SRGAP2B: variants seen among roughly 807,000 people sequenced by gnomAD.
The protein encoded by SRGAP2B is SLIT-ROBO Rho GTPase-activating protein 2B.
A neutral mutation model predicts 22.2 loss-of-function variants in SRGAP2B; 9 were observed. That is an observed-to-expected ratio of 0.41 (90% CI 0.24 to 0.71). SRGAP2B has a LOEUF of 0.71. Ranked by LOEUF, SRGAP2B falls within the 30% of genes least tolerant of loss-of-function variation. The pLI is 0.35. For synonymous variants in SRGAP2B, 36 were observed against 87.4 expected (o/e 0.41, Z 3.28); for missense variants, 114 against 235.8 (o/e 0.48, Z 3.38).
chr1:145,023,861 GGA>G, intron 2 of SRGAP2B, among the ~76,000 whole-genome samples: 1 of 84,952 alleles, frequency 1.2e-5, no homozygotes, highest in South Asian at 4.3e-4. Flanking sequence ...TCTTGATTAG[GGA>G]TATATCATAA....
At chr1:144,925,773 AAGAAAGAAAG>A (rs1664671756) in intron 4 of SRGAP2B, among the ~76,000 whole-genome samples, 1 of 144,244 alleles carries the variant, frequency 6.9e-6, no homozygotes, top group Non-Finnish European at 1.5e-5. Context: ...GAAAGAAAGA[AAGAAAGAAAG>A]AAAGAAAGAA....
At chr1:144,931,558 C>T (rs1378344377) in intron 4 of SRGAP2B, among the ~76,000 whole-genome samples, 2 of 150,756 alleles carry the variant, frequency 1.3e-5, no homozygotes, top group African/African-American at 5.0e-5. Context: ...AAAAGAGAAT[C>T]ATATAAGCAG....
intron 2 of SRGAP2B, among the ~76,000 whole-genome samples, chr1:145,089,580 C>T (rs9778177): frequency 2.0e-4 from 30 of 148,470 alleles, no homozygotes; most frequent in Non-Finnish European, 3.6e-4. Flanking sequence ...AAAGACAGGC[C>T]GAACCACAGT....
chr1:144,920,792 A>G (rs1664187782), intron 4 of SRGAP2B, among the ~76,000 whole-genome samples: 1 of 150,850 alleles, frequency 6.6e-6, no homozygotes, highest in Non-Finnish European at 1.5e-5. Context: ...GACTGGTTAC[A>G]TACAAAAGTC....
chr1:144,967,284 A>C (rs1427046985), intron 3 of SRGAP2B, among the ~76,000 whole-genome samples: 4 of 113,662 alleles, frequency 3.5e-5, no homozygotes, highest in East Asian at 4.7e-4. Context: ...AAATTATAAC[A>C]AACTATCTCT....
At chr1:145,030,382 A>T (rs1173076503) in intron 2 of SRGAP2B, among the ~76,000 whole-genome samples, 1 of 148,874 alleles carries the variant, frequency 6.7e-6, no homozygotes, top group Non-Finnish European at 1.5e-5. Context: ...CAGCCATAAA[A>T]AAGGATGAGT....
intron 2 of SRGAP2B, among the ~76,000 whole-genome samples, chr1:145,017,247 T>A (rs1252701754): frequency 6.7e-6 from 1 of 149,896 alleles, no homozygotes; most frequent in African/African-American, 2.5e-5. Flanking sequence ...CTTATTACTA[T>A]GTTTGCCAGT....
At chr1:144,965,428 T>A (rs1553612060) in intron 3 of SRGAP2B, among the ~76,000 whole-genome samples, 1 of 142,704 alleles carries the variant, frequency 7.0e-6, no homozygotes, top group Non-Finnish European at 1.5e-5. Context: ...CAGCTGAGGG[T>A]CCTGTCTGTT....
chr1:144,951,999 T>G (rs1426600382), intron 4 of SRGAP2B, among the ~76,000 whole-genome samples: 2 of 132,614 alleles, frequency 1.5e-5, no homozygotes, highest in Non-Finnish European at 3.1e-5. Context: ...ATATCCACTT[T>G]TGTTTGTCCT....
At chr1:144,939,728 T>C (rs1475993460) in intron 4 of SRGAP2B, among the ~76,000 whole-genome samples, 1 of 149,244 alleles carries the variant, frequency 6.7e-6, no homozygotes. Flanking sequence ...TCAGGTAGAC[T>C]ATGTGGTTTT....
intron 2 of SRGAP2B, among the ~76,000 whole-genome samples, chr1:145,005,403 C>T (rs1443723682): frequency 4.5e-4 from 68 of 151,256 alleles, no homozygotes; most frequent in African/African-American, 1.6e-3. Context: ...AAATCCAGAC[C>T]CTACGTTCCT....
At chr1:144,968,538 AC>A (rs1421995693) in intron 3 of SRGAP2B, among the ~76,000 whole-genome samples, 1 of 72,196 alleles carries the variant, frequency 1.4e-5, no homozygotes, top group Admixed American at 1.7e-4. Flanking sequence ...CCAATATCAT[AC>A]TGAATGGGCA....
intron 4 of SRGAP2B, among the ~76,000 whole-genome samples, chr1:144,931,819 C>A (rs1267572393): frequency 7.2e-6 from 1 of 138,484 alleles, no homozygotes; most frequent in Admixed American, 7.2e-5. Context: ...CCTTCAACAG[C>A]CCATGTGTTC....
chr1:144,908,868 TATAGA>T (rs1663183422), intron 5 of SRGAP2B, among the ~76,000 whole-genome samples: 1 of 135,950 alleles, frequency 7.4e-6, no homozygotes, highest in Non-Finnish European at 1.6e-5. Context: ...TATATGTATA[TATAGA>T]TATGTATACA....
chr1:144,985,060 G>C (rs587702240), intron 3 of SRGAP2B, among the ~76,000 whole-genome samples: 1 of 129,348 alleles, frequency 7.7e-6, no homozygotes, highest in South Asian at 2.7e-4. Context: ...CCTTACTGAA[G>C]TTTCCTGTCT....
intron 3 of SRGAP2B, among the ~76,000 whole-genome samples, chr1:144,967,135 G>A (rs1668146080): frequency 1.0e-5 from 1 of 97,642 alleles, no homozygotes; most frequent in Non-Finnish European, 2.0e-5. Context: ...TCTGCACCAA[G>A]CGGACCTAAT....
rs1173378447 is a variant in SRGAP2B, at chr1:144,992,264, ACACT to A, written c.260+2740_260+2743del. The stretch of plus-strand genomic sequence containing the variant: ...CAGACACACCACCTTAAGAGCTGTA[ACACT>A]CACCGCGAGGGTCCGCGGCCTCATT... On this transcript the variant is annotated intron_variant, in intron 3 of 9. Coordinates refer to ENST00000612199, the Ensembl canonical transcript of SRGAP2B. Among the ~76,000 whole-genome samples, 496 of 150,974 alleles carry A rather than the reference ACACT, an allele frequency of 3.3e-3. 26 individuals carry two copies. The highest frequency in any genetic ancestry group is 0.012 in the African/African-American group (472 of 40,408).
At chr1:145,029,418 AC>A (rs1648001937) in intron 2 of SRGAP2B, among the ~76,000 whole-genome samples, 1 of 38,226 alleles carries the variant, frequency 2.6e-5, no homozygotes, top group Admixed American at 3.3e-4. Flanking sequence ...TGCAACCAGC[AC>A]CCAGATAAAA....
chr1:144,979,877 C>G (rs1230061869), intron 3 of SRGAP2B, among the ~76,000 whole-genome samples: 91 of 150,614 alleles, frequency 6.0e-4, no homozygotes, highest in African/African-American at 2.0e-3. Flanking sequence ...CCAATCAAAC[C>G]TTTTTTCTTT....
Sources: gnomAD v4.1 joint callset for allele counts (sites outside exome capture counted in the v4.1 genomes callset) on GRCh38, gnomAD v4.1.1 for gene constraint, MANE v1.5 for transcripts, NCBI Gene and HGNC (gene_info 2026-07-23, HGNC 2026-07-21) for gene names.